MAP3K7CL: variants seen among roughly 807,000 people sequenced by gnomAD.
The protein encoded by MAP3K7CL is MAP3K7 C-terminal-like protein.
A neutral mutation model predicts 18.6 loss-of-function variants in MAP3K7CL; 16 were observed. The ratio of observed to expected loss-of-function variants is 0.86; its 90% confidence interval spans 0.58 to 1.31. The LOEUF is 1.31. Among genes scored for constraint, MAP3K7CL ranks in the 50% most tolerant of loss-of-function variants. The pLI is 0.00. For missense variants in MAP3K7CL, 163 were observed against 174.4 expected, an observed-to-expected ratio of 0.93 and a Z score of 0.37; for synonymous variants, 65 against 66.8, an observed-to-expected ratio of 0.97 and a Z score of 0.13.
At chr21:29,156,157 T>C (rs751613107) in intron 3 of MAP3K7CL, among the ~76,000 whole-genome samples, 32 of 152,232 alleles carry the variant, frequency 2.1e-4, no homozygotes, top group Non-Finnish European at 3.8e-4. Context: ...ATTTTTTTCC[T>C]CCTGATGTGA....
intron 2 of MAP3K7CL, among the ~76,000 whole-genome samples, chr21:29,140,829 G>A (rs1028171165): frequency 2.0e-5 from 3 of 152,208 alleles, no homozygotes; most frequent in African/African-American, 7.2e-5. Flanking sequence ...CCAGGCTGGA[G>A]TGCAGTGGTG....
intron 4 of MAP3K7CL, chr21:29,109,178 C>T: frequency 6.5e-7 from 1 of 1,535,414 alleles, no homozygotes; most frequent in South Asian, 1.2e-5. Flanking sequence ...CCAGTGCGGA[C>T]TGCAGGTATG....
At chr21:29,172,241 CT>C (rs35612617) in intron 4 of MAP3K7CL, among the ~76,000 whole-genome samples, 59,145 of 127,442 alleles carry the variant, frequency 0.46, 12,821 homozygotes, top group African/African-American at 0.59. Flanking sequence ...TTGTCATTTT[CT>C]TTTTTTTTTT....
rs753652470 is a variant in MAP3K7CL at position 29,149,676 on chromosome 21, TC to T, written c.132+430del. On this transcript the variant is annotated intron_variant, in intron 3 of 4. Coordinates refer to ENST00000399928, the MANE Select transcript of MAP3K7CL (RefSeq NM_001286620.2). The stretch of plus-strand genomic sequence containing the variant: ...CTTCCTTTCTCTGTTCCCTGCCCCT[TC>T]CCCAGTTCTCTGACAACTTTTAATG... 5.3e-5 allele frequency among the ~76,000 whole-genome samples: 8 copies of T among 152,356 alleles called. No individual in the cohort carries two copies. The South Asian group carries it at 1.7e-3, about 32-fold the overall frequency.
At chr21:29,143,869 G>A (rs886980224) in intron 2 of MAP3K7CL, among the ~76,000 whole-genome samples, 1 of 152,136 alleles carries the variant, frequency 6.6e-6, no homozygotes, top group African/African-American at 2.4e-5. Context: ...TCAAAACCTG[G>A]TCTGGCTTTG....
rs1396956552 is a variant in MAP3K7CL at position 29,108,761 on chromosome 21, A to C, written c.370+16180A>C. Reference sequence around the variant, plus strand: ...GAGTTCCAATGAGATGAAGTATGAGAAGATGTTTTGCAAACTGTAAAGGAA... The same window carrying C: ...GAGTTCCAATGAGATGAAGTATGAGCAGATGTTTTGCAAACTGTAAAGGAA... On this transcript the variant is annotated intron_variant, in intron 4 of 6. Coordinates refer to the MAP3K7CL transcript ENST00000286791. Among the ~76,000 whole-genome samples the C allele has an allele frequency of 4.6e-5, 7 of 152,208 alleles. 1 individual carries two copies. Among genetic ancestry groups the C allele is most frequent in the Admixed American group, 3.9e-4 (6 of 15,282 alleles).
rs143577689 is a variant in MAP3K7CL, at chr21:29,169,138, G to A, written c.249-5574G>A. 6.0e-4 allele frequency among the ~76,000 whole-genome samples: 91 copies of A among 152,248 alleles called. 1 individual carries two copies. Among genetic ancestry groups the A allele is most frequent in the African/African-American group, 2.0e-3 (82 of 41,544 alleles). On this transcript the variant is annotated intron_variant, in intron 4 of 4. Coordinates refer to ENST00000399928, the MANE Select transcript of MAP3K7CL (RefSeq NM_001286620.2). Reference sequence around the variant, plus strand: ...AGGTTGCTGCTAGACTTCCTACAACGCCAATGTATAGACAGTGCCCAACGA... The same window carrying A: ...AGGTTGCTGCTAGACTTCCTACAACACCAATGTATAGACAGTGCCCAACGA...
At chr21:29,102,140 C>G (rs1197736317) in intron 4 of MAP3K7CL, among the ~76,000 whole-genome samples, 1 of 152,240 alleles carries the variant, frequency 6.6e-6, no homozygotes, top group Non-Finnish European at 1.5e-5. Flanking sequence ...GAGGTGCCCT[C>G]TTTGAGCAGA....
At chr21:29,148,016 C>T (rs2087179172) in intron 2 of MAP3K7CL, among the ~76,000 whole-genome samples, 1 of 151,590 alleles carries the variant, frequency 6.6e-6, no homozygotes, top group South Asian at 2.1e-4. Context: ...TGTATATGTA[C>T]TGTATATGTA....
At chr21:29,150,836 C>T (rs1435983119) in intron 3 of MAP3K7CL, among the ~76,000 whole-genome samples, 1 of 143,172 alleles carries the variant, frequency 7.0e-6, no homozygotes, top group African/African-American at 2.6e-5. Flanking sequence ...GTGATGTGAT[C>T]TCGGCTCACT....
chr21:29,112,927 G>T (rs1452996521), intron 4 of MAP3K7CL, among the ~76,000 whole-genome samples: 1 of 151,712 alleles, frequency 6.6e-6, no homozygotes, highest in African/African-American at 2.4e-5. Flanking sequence ...TCCTGTCTCA[G>T]CCTCCCGAGT....
At chr21:29,154,756 A>C (rs1385069330) in intron 3 of MAP3K7CL, among the ~76,000 whole-genome samples, 2 of 152,228 alleles carry the variant, frequency 1.3e-5, no homozygotes, top group Non-Finnish European at 2.9e-5. Context: ...CATAGAAAGC[A>C]CCAGACGTAG....
chr21:29,155,520 A>T (rs1487518554), intron 3 of MAP3K7CL, among the ~76,000 whole-genome samples: 1 of 152,112 alleles, frequency 6.6e-6, no homozygotes, highest in African/African-American at 2.4e-5. Context: ...CCACTTCGGG[A>T]GGAGCTTGCT....
chr21:29,149,586 G>C (rs1170756986), intron 3 of MAP3K7CL, among the ~76,000 whole-genome samples: 1 of 152,164 alleles, frequency 6.6e-6, no homozygotes, highest in African/African-American at 2.4e-5. Flanking sequence ...CTTGTCTGGG[G>C]TTAGTGATTT....
chr21:29,100,465 A>T (rs2086207362), intron 4 of MAP3K7CL, among the ~76,000 whole-genome samples: 1 of 152,168 alleles, frequency 6.6e-6, no homozygotes, highest in Non-Finnish European at 1.5e-5. Flanking sequence ...TAGAGTGTGG[A>T]TTTCAGAGCC....
chr21:29,082,718 G>T (rs533738914), upstream of MAP3K7CL, among the ~76,000 whole-genome samples: 4 of 152,296 alleles, frequency 2.6e-5, no homozygotes, highest in African/African-American at 9.6e-5. Flanking sequence ...ATACATGGAG[G>T]CACGTAAGTT....
intron 3 of MAP3K7CL, among the ~76,000 whole-genome samples, chr21:29,155,967 G>C (rs955149862): frequency 3.9e-5 from 6 of 152,208 alleles, no homozygotes; most frequent in Non-Finnish European, 8.8e-5. Flanking sequence ...CTGCTGCTGT[G>C]ACCGCACAGA....
chr21:29,077,245 G>C (rs2085764201), upstream of MAP3K7CL, among the ~76,000 whole-genome samples: 1 of 152,240 alleles, frequency 6.6e-6, no homozygotes, highest in Admixed American at 6.5e-5. Context: ...GTGGAGCAGC[G>C]GGCGGCGCTC....
At chr21:29,138,425 T>C (rs900156973) in intron 2 of MAP3K7CL, among the ~76,000 whole-genome samples, 1 of 152,222 alleles carries the variant, frequency 6.6e-6, no homozygotes, top group African/African-American at 2.4e-5. Context: ...ATCCCACCTC[T>C]TGGGTTATTC....
Sources: allele counts gnomAD v4.1 joint callset (sites outside exome capture counted in the v4.1 genomes callset), GRCh38; gene constraint gnomAD v4.1.1; transcripts MANE v1.5; gene names NCBI Gene and HGNC (gene_info 2026-07-23, HGNC 2026-07-21).